Variants in COL11A1 observed in about 807,000 individuals in gnomAD.
The protein encoded by COL11A1 is collagen alpha-1(XI) chain.
In COL11A1, 74 loss-of-function variants were observed where a neutral mutation model predicts 265.2. That is an observed-to-expected ratio of 0.28 (90% CI 0.23 to 0.34). COL11A1 has a LOEUF of 0.34. Among genes scored for constraint, COL11A1 ranks in the 10% least tolerant of loss-of-function variants. The probability of loss-of-function intolerance (pLI) is 1.00; values close to 1 mark genes in which losing one functional copy is unlikely to be tolerated. For missense variants in COL11A1, 2,165 were observed against 2,263.6 expected (o/e 0.96, Z 0.88); for synonymous variants, 816 against 727.6 (o/e 1.12, Z -1.96).
chr1:103,103,305 T>C (rs1370870857), intron 1 of COL11A1, among the ~76,000 whole-genome samples: 1 of 152,012 alleles, frequency 6.6e-6, no homozygotes, highest in Non-Finnish European at 1.5e-5. Flanking sequence ...TATCAGAAAT[T>C]TGCCATTTTT....
chr1:102,983,093 G>C (rs1663193030), intron 31 of COL11A1, among the ~76,000 whole-genome samples: 1 of 151,798 alleles, frequency 6.6e-6, no homozygotes, highest in Non-Finnish European at 1.5e-5. Context: ...CACTTAACAG[G>C]CTTAACTACT....
intron 5 of COL11A1, among the ~76,000 whole-genome samples, chr1:103,029,048 T>C (rs1667779940): frequency 6.6e-6 from 1 of 152,110 alleles, no homozygotes; most frequent in Admixed American, 6.5e-5. Context: ...GTCTACATTA[T>C]AGATCTCTTT....
chr1:103,049,014 T>C (rs1183607564), intron 4 of COL11A1, among the ~76,000 whole-genome samples: 2 of 152,184 alleles, frequency 1.3e-5, no homozygotes, highest in East Asian at 3.9e-4. Context: ...GTGCTTTACT[T>C]CCAAATATGT....
intron 31 of COL11A1, 69 bp from the exon 32 acceptor site, chr1:102,979,504 T>C (rs1662831915): frequency 9.4e-7 from 1 of 1,058,430 alleles, no homozygotes; most frequent in South Asian, 1.3e-5. Flanking sequence ...ATGTAATTTA[T>C]TTTGGAACAG....
chr1:102,943,278 A>G (rs1658921194), intron 42 of COL11A1, among the ~76,000 whole-genome samples: 1 of 151,908 alleles, frequency 6.6e-6, no homozygotes, highest in South Asian at 2.1e-4. Flanking sequence ...TTCTTTTTGA[A>G]TCAATTTAGA....
chr1:102,975,707 A>T (rs2101658422), intron 35 of COL11A1, among the ~76,000 whole-genome samples: 1 of 152,292 alleles, frequency 6.6e-6, no homozygotes, highest in African/African-American at 2.4e-5. Flanking sequence ...AAGAAGATTT[A>T]TGAAAGATAA....
chr1:103,092,336 AC>A (rs1673389923), intron 1 of COL11A1, among the ~76,000 whole-genome samples: 1 of 152,068 alleles, frequency 6.6e-6, no homozygotes, highest in African/African-American at 2.4e-5. Context: ...AATATCAAAA[AC>A]ATTAAGAAAA....
At chr1:103,082,440 A>G (rs1672489897) in intron 2 of COL11A1, among the ~76,000 whole-genome samples, 1 of 152,084 alleles carries the variant, frequency 6.6e-6, no homozygotes, top group African/African-American at 2.4e-5. Flanking sequence ...TACCCCAGTC[A>G]CGATGAATAA....
At chr1:102,945,695 T>G (rs1001838472) in intron 42 of COL11A1, among the ~76,000 whole-genome samples, 9 of 152,132 alleles carry the variant, frequency 5.9e-5, no homozygotes, top group African/African-American at 1.9e-4. Flanking sequence ...GTTTTAATCT[T>G]GTAGGAAGAG....
At chr1:102,982,796 A>G (rs1663166091) in intron 31 of COL11A1, among the ~76,000 whole-genome samples, 2 of 152,118 alleles carry the variant, frequency 1.3e-5, no homozygotes, top group South Asian at 4.1e-4. Context: ...AGGGAACACA[A>G]TGACATGCAG....
chr1:102,946,842 T>C lies in COL11A1; in HGVS notation c.3276+7A>G. ...GCATAATATATTTTCTCCTAGACAT[T>C]ACTTACAGGAGCACCTTTCTCTCCA... On this transcript the variant is annotated splice_region_variant and intron_variant, in intron 42 of 66. Transcript: ENST00000370096. The C allele has an allele frequency of 1.2e-6, 2 of 1,607,614 alleles. No homozygotes were observed. Among genetic ancestry groups the C allele is most frequent in the African/African-American group, 2.7e-5 (2 of 74,914 alleles).
At chr1:103,009,218 A>C (rs1338173733) in intron 14 of COL11A1, among the ~76,000 whole-genome samples, 1 of 152,196 alleles carries the variant, frequency 6.6e-6, no homozygotes, top group Non-Finnish European at 1.5e-5. Context: ...GTTCGAGACC[A>C]GACTGGCCAA....
rs746676128 is a variant in COL11A1 at position 102,879,702 on chromosome 1, G to A, written c.5255C>T (p.Thr1752Ile). 5 of 1,613,652 alleles carry A rather than the reference G, an allele frequency of 3.1e-6. No individual in the cohort carries two copies. The highest frequency in any genetic ancestry group is 3.4e-6 in the Non-Finnish European group (4 of 1,179,706). The change falls in exon 66 of 67, where the codon ACA (threonine) becomes ATA (isoleucine). Residue 1752 changes from threonine to isoleucine, a missense_variant. Physicochemically the swap from Thr to Ile is moderately conservative, Grantham distance 89 (BLOSUM62 -1). Transcript: ENST00000370096. ...ACTCACCGCACAACCATCATACAGT[G>A]TTTTGATAAAAGGATTATTGTCATA... The part of the protein sequence containing the change: ...MSYDNNPFIK[T>I]LYDGCASRKG...
chr1:102,996,155 T>C, intron 26 of COL11A1, 113 bp from the exon 27 acceptor site: 1 of 1,067,346 alleles, frequency 9.4e-7, no homozygotes, highest in East Asian at 2.4e-5. Context: ...CTACTGCTAA[T>C]ATTTGATAAA....
At chr1:102,934,946 A>T in intron 45 of COL11A1, 114 bp downstream of exon 45, 1 of 956,402 alleles carries the variant, frequency 1.0e-6, no homozygotes. Flanking sequence ...ATTTAATGTC[A>T]AACATACAAA....
At chr1:102,940,203 G>A (rs1658576102) in intron 43 of COL11A1, 124 bp downstream of exon 43, 1 of 771,356 alleles carries the variant, frequency 1.3e-6, no homozygotes. Context: ...GAAAATGTGT[G>A]TGAAACTTTG....
At chr1:102,894,340 C>T (rs1652129313) in intron 57 of COL11A1, among the ~76,000 whole-genome samples, 1 of 151,978 alleles carries the variant, frequency 6.6e-6, no homozygotes, top group African/African-American at 2.4e-5. Context: ...CCAAGAGCAG[C>T]CTGGGCAACT....
At position 103,005,885 on chromosome 1, in the gene COL11A1, G is replaced by C; in HGVS notation, c.1798C>G (p.Arg600Gly). 2 of 1,599,280 alleles carry C rather than the reference G, an allele frequency of 1.3e-6. No homozygotes were observed. The highest frequency in any genetic ancestry group is 1.8e-5 in the Admixed American group (1 of 57,000). The change falls in exon 18 of 67, where the codon CGA becomes GGA. Residue 600 changes from arginine (R) to glycine (G), a missense_variant. Physicochemically the swap from Arg to Gly is moderately radical, Grantham distance 125 (BLOSUM62 -2). Transcript: ENST00000370096. ...MPGEPGAKGD[R>G]GFDGLPGLPG... is the part of the protein sequence containing the mutation. ...AGACCCGGAAGTCCATCAAACCCTC[G>C]ATCTCCCTGTAAAACCATCATCATC...
intron 54 of COL11A1, among the ~76,000 whole-genome samples, chr1:102,902,797 C>T (rs189550913): frequency 2.0e-5 from 3 of 150,980 alleles, no homozygotes; most frequent in Admixed American, 2.0e-4. Context: ...TGAATTAATA[C>T]TATATATAAT....
Sources: gnomAD v4.1 joint callset for allele counts (sites outside exome capture counted in the v4.1 genomes callset) on GRCh38, gnomAD v4.1.1 for gene constraint, MANE v1.5 for transcripts, NCBI Gene and HGNC (gene_info 2026-07-23, HGNC 2026-07-21) for gene names.